DPP10: variants seen among roughly 807,000 people sequenced by gnomAD.
DPP10 encodes the protein dipeptidyl peptidase like 10.
A neutral mutation model predicts 120.9 loss-of-function variants in DPP10; 33 were observed. The observed-to-expected ratio is 0.27, with a 90% CI of 0.21 to 0.37. DPP10 has a LOEUF of 0.37. Ranked by LOEUF, DPP10 falls within the 10% of genes least tolerant of loss-of-function variation. The probability of loss-of-function intolerance (pLI) is 1.00; values close to 1 mark genes in which losing one functional copy is unlikely to be tolerated. For synonymous variants in DPP10, 337 were observed against 326.1 expected (o/e 1.03, Z -0.36); for missense variants, 816 against 942.8 (o/e 0.87, Z 1.76).
chr2:114,495,692 T>C (rs532013014), intron 1 of DPP10, among the ~76,000 whole-genome samples: 336 of 152,278 alleles, frequency 2.2e-3, no homozygotes, highest in Non-Finnish European at 4.0e-3. Context: ...TCAACAGTGA[T>C]AGGCCATTTA....
At chr2:115,376,615 G>T (rs1466170658) in intron 3 of DPP10, among the ~76,000 whole-genome samples, 15 of 150,962 alleles carry the variant, frequency 9.9e-5, no homozygotes, top group South Asian at 6.3e-4. Flanking sequence ...GTTAGTTACA[G>T]ATGTATACAT....
chr2:114,520,807 T>C (rs1374469853), intron 1 of DPP10, among the ~76,000 whole-genome samples: 1 of 152,192 alleles, frequency 6.6e-6, no homozygotes, highest in Non-Finnish European at 1.5e-5. Flanking sequence ...GTGTGAGATA[T>C]GGGCTTGCTG....
chr2:114,646,976 A>G (rs895611126), intron 1 of DPP10, among the ~76,000 whole-genome samples: 5 of 152,226 alleles, frequency 3.3e-5, no homozygotes, highest in African/African-American at 1.2e-4. Flanking sequence ...CCTTGACTAA[A>G]GTCCCATGGA....
chr2:115,659,502 G>A (rs571552967), intron 5 of DPP10, among the ~76,000 whole-genome samples: 5 of 152,142 alleles, frequency 3.3e-5, no homozygotes, highest in South Asian at 2.1e-4. Context: ...CAATTCAACC[G>A]AGTCTCTAAG....
intron 1 of DPP10, among the ~76,000 whole-genome samples, chr2:115,045,586 A>G (rs1235270039): frequency 1.3e-5 from 2 of 152,158 alleles, no homozygotes; most frequent in Non-Finnish European, 2.9e-5. Flanking sequence ...AAGTCCCGCA[A>G]TCACTGCACT....
chr2:114,549,451 A>G (rs1288895988), intron 1 of DPP10, among the ~76,000 whole-genome samples: 1 of 152,106 alleles, frequency 6.6e-6, no homozygotes, highest in African/African-American at 2.4e-5. Flanking sequence ...TCACGTGGTC[A>G]GGAGTTCAAG....
At chr2:115,142,829 C>T (rs1160686947) in intron 1 of DPP10, among the ~76,000 whole-genome samples, 1 of 152,198 alleles carries the variant, frequency 6.6e-6, no homozygotes, top group East Asian at 1.9e-4. Flanking sequence ...TTCAGCTCCT[C>T]TTTCGAAGCT....
At chr2:115,804,135 T>A (rs564310385) in intron 19 of DPP10, among the ~76,000 whole-genome samples, 2 of 152,296 alleles carry the variant, frequency 1.3e-5, no homozygotes, top group African/African-American at 4.8e-5. Flanking sequence ...CATTTCTTTT[T>A]ATTCTTTTTT....
chr2:114,481,005 A>C (rs942128782), intron 1 of DPP10, among the ~76,000 whole-genome samples: 2 of 151,986 alleles, frequency 1.3e-5, no homozygotes, highest in African/African-American at 4.8e-5. Context: ...ACTTACATAT[A>C]AAACATATAA....
chr2:115,698,210 A>C (rs1177008870), intron 7 of DPP10, among the ~76,000 whole-genome samples: 1 of 152,200 alleles, frequency 6.6e-6, no homozygotes, highest in Non-Finnish European at 1.5e-5. Context: ...ATCAATAACA[A>C]ACTGAAAACT....
chr2:114,557,506 T>C (rs1352902466), intron 1 of DPP10, among the ~76,000 whole-genome samples: 1 of 152,182 alleles, frequency 6.6e-6, no homozygotes, highest in African/African-American at 2.4e-5. Flanking sequence ...AGTGGATTTG[T>C]TCGTGCAATC....
chr2:114,794,305 G>A (rs1335634135), intron 1 of DPP10, among the ~76,000 whole-genome samples: 1 of 152,090 alleles, frequency 6.6e-6, no homozygotes, highest in Non-Finnish European at 1.5e-5. Context: ...CAATCACACA[G>A]CCATGAAAGA....
intron 5 of DPP10, among the ~76,000 whole-genome samples, chr2:115,610,643 A>G (rs34425688): frequency 0.47 from 72,139 of 151,988 alleles, 20,589 homozygotes; most frequent in Non-Finnish European, 0.65. Context: ...CAGGTCTGGG[A>G]CCTTCTTTTC....
At chr2:115,395,879 C>T (rs2067643513) in intron 3 of DPP10, among the ~76,000 whole-genome samples, 1 of 151,950 alleles carries the variant, frequency 6.6e-6, no homozygotes, top group South Asian at 2.1e-4. Flanking sequence ...TGTTGCTGTA[C>T]ATACTATATA....
chr2:114,626,098 T>A (rs1694489205), intron 1 of DPP10, among the ~76,000 whole-genome samples: 1 of 151,858 alleles, frequency 6.6e-6, no homozygotes, highest in Non-Finnish European at 1.5e-5. Flanking sequence ...TCCTTCATTT[T>A]TTTTTTTACT....
intron 21 of DPP10, among the ~76,000 whole-genome samples, chr2:115,821,999 GGA>G (rs1687866292): frequency 1.3e-5 from 2 of 152,026 alleles, no homozygotes; most frequent in Admixed American, 6.5e-5. Context: ...GAACCATATA[GGA>G]GAGTTTCATT....
chr2:115,629,662 C>T (rs2085673430), intron 5 of DPP10, among the ~76,000 whole-genome samples: 1 of 152,074 alleles, frequency 6.6e-6, no homozygotes, highest in South Asian at 2.1e-4. Context: ...AATAGGGAAT[C>T]CTTTCCTCAT....
At chr2:115,818,922 T>A (rs1214360789) in intron 21 of DPP10, among the ~76,000 whole-genome samples, 2 of 152,146 alleles carry the variant, frequency 1.3e-5, no homozygotes, top group African/African-American at 4.8e-5. Context: ...GAAAAAATAT[T>A]CCAGGTCAAA....
chr2:114,587,301 C>CAAAA (rs11364968), intron 1 of DPP10, among the ~76,000 whole-genome samples: 1 of 103,220 alleles, frequency 9.7e-6, no homozygotes. Flanking sequence ...AACTCCATCT[C>CAAAA]AAAAAAAAAA....
Sources: allele counts gnomAD v4.1 joint callset (sites outside exome capture counted in the v4.1 genomes callset), GRCh38; gene constraint gnomAD v4.1.1; transcripts MANE v1.5; gene names NCBI Gene and HGNC (gene_info 2026-07-23, HGNC 2026-07-21).